ARHGEF3: variants seen among roughly 807,000 people sequenced by gnomAD.
ARHGEF3 encodes the protein Rho guanine nucleotide exchange factor 3.
In ARHGEF3, 28 loss-of-function variants were observed where a neutral mutation model predicts 63.2. That is an observed-to-expected ratio of 0.44 (90% confidence interval 0.33 to 0.61). ARHGEF3 has a LOEUF of 0.61. ARHGEF3 is among the 20% of genes least tolerant of loss of function. ARHGEF3 has a pLI of 0.03. For missense variants in ARHGEF3, 533 were observed against 659.3 expected (o/e 0.81, Z 2.10); for synonymous variants, 266 against 254.2 (o/e 1.05, Z -0.44).
At chr3:57,034,829 T>G (rs984573504) in intron 2 of ARHGEF3, among the ~76,000 whole-genome samples, 1 of 151,764 alleles carries the variant, frequency 6.6e-6, no homozygotes, top group Non-Finnish European at 1.5e-5. Flanking sequence ...GCTAATTTTT[T>G]TTTATTTTTA....
At chr3:56,776,875 C>T (rs566749726) in intron 1 of ARHGEF3, among the ~76,000 whole-genome samples, 28 of 152,122 alleles carry the variant, frequency 1.8e-4, no homozygotes, top group Non-Finnish European at 3.4e-4. Context: ...CACCACCCCC[C>T]ACCACGTGAT....
intron 6 of ARHGEF3, among the ~76,000 whole-genome samples, chr3:56,747,073 A>C (rs2034435592): frequency 8.5e-6 from 1 of 117,988 alleles, no homozygotes; most frequent in African/African-American, 2.9e-5. Flanking sequence ...ACAGAGAGAG[A>C]GAGAGAGAGA....
At chr3:56,974,020 A>G (rs1002362251) in intron 2 of ARHGEF3, among the ~76,000 whole-genome samples, 3 of 152,152 alleles carry the variant, frequency 2.0e-5, no homozygotes, top group African/African-American at 7.2e-5. Context: ...CAGGAGGTGG[A>G]GGTTGCAGTG....
chr3:57,073,731 GAA>G, intron 1 of ARHGEF3: 1 of 1,614,194 alleles, frequency 6.2e-7, no homozygotes, highest in Non-Finnish European at 8.5e-7. Context: ...GTCCACCTTA[GAA>G]AAGTCAGGAG....
chr3:56,743,345 G>A (rs920941132), intron 7 of ARHGEF3, among the ~76,000 whole-genome samples: 1 of 152,188 alleles, frequency 6.6e-6, no homozygotes, highest in Non-Finnish European at 1.5e-5. Flanking sequence ...AATTACAAAG[G>A]CAACAGAAAC....
At chr3:56,971,085 A>G (rs1051519423) in intron 2 of ARHGEF3, among the ~76,000 whole-genome samples, 2 of 152,186 alleles carry the variant, frequency 1.3e-5, no homozygotes, top group Non-Finnish European at 2.9e-5. Flanking sequence ...CGCTGCTGTC[A>G]CTGCACTCCT....
chr3:56,982,613 T>C (rs1701369176), intron 2 of ARHGEF3, among the ~76,000 whole-genome samples: 1 of 152,182 alleles, frequency 6.6e-6, no homozygotes, highest in Non-Finnish European at 1.5e-5. Flanking sequence ...GAGATTGTTG[T>C]CTACTTTGTT....
intron 8 of ARHGEF3, 29 bp downstream of exon 8, chr3:56,737,156 A>T (rs2033679160): frequency 1.3e-6 from 2 of 1,589,798 alleles, no homozygotes. Context: ...GGAGGCGGAT[A>T]AGACTGCTTA....
At chr3:57,003,181 G>A (rs992179524) in intron 2 of ARHGEF3, among the ~76,000 whole-genome samples, 6 of 150,862 alleles carry the variant, frequency 4.0e-5, no homozygotes, top group Admixed American at 6.6e-5. Flanking sequence ...AGAGGCGGGC[G>A]GATCACGAGG....
At chr3:57,001,253 G>C (rs1406647069) in intron 2 of ARHGEF3, among the ~76,000 whole-genome samples, 1 of 152,200 alleles carries the variant, frequency 6.6e-6, no homozygotes, top group Non-Finnish European at 1.5e-5. Flanking sequence ...CTGCAAATTT[G>C]TATTTGAAAT....
chr3:56,779,368 T>C (rs1227355262), intron 1 of ARHGEF3, among the ~76,000 whole-genome samples: 1 of 152,106 alleles, frequency 6.6e-6, no homozygotes, highest in East Asian at 1.9e-4. Context: ...TGGTCACAGG[T>C]TGGTAGTTGT....
intron 1 of ARHGEF3, among the ~76,000 whole-genome samples, chr3:57,069,717 T>C (rs1402535908): frequency 6.6e-6 from 1 of 152,182 alleles, no homozygotes; most frequent in Admixed American, 6.5e-5. Flanking sequence ...TGAGCACAGC[T>C]CATTGCAGCG....
chr3:56,792,547 T>C (rs1250819080), intron 1 of ARHGEF3, among the ~76,000 whole-genome samples: 1 of 152,208 alleles, frequency 6.6e-6, no homozygotes, highest in African/African-American at 2.4e-5. Context: ...CCCAGCTGTG[T>C]GATCTTGGGC....
intron 7 of ARHGEF3, among the ~76,000 whole-genome samples, chr3:56,741,441 C>T (rs2034018493): frequency 6.6e-6 from 1 of 151,100 alleles, no homozygotes; most frequent in Admixed American, 6.6e-5. Context: ...GCCTTGGCCT[C>T]CCAAAGTGCT....
intron 1 of ARHGEF3, among the ~76,000 whole-genome samples, chr3:57,048,478 A>G (rs1704548673): frequency 6.6e-6 from 1 of 152,166 alleles, no homozygotes; most frequent in African/African-American, 2.4e-5. Flanking sequence ...GTGCAGGGAG[A>G]TCGGGTGAAG....
chr3:57,065,372 AAT>A (rs1315415013), intron 1 of ARHGEF3, among the ~76,000 whole-genome samples: 1 of 152,068 alleles, frequency 6.6e-6, no homozygotes, highest in African/African-American at 2.4e-5. Context: ...GAGGCAGGAG[AAT>A]CACTTGAGCC....
intron 4 of ARHGEF3, among the ~76,000 whole-genome samples, chr3:56,829,581 C>A (rs115971965): frequency 1.8e-4 from 27 of 152,250 alleles, no homozygotes; most frequent in African/African-American, 5.1e-4. Context: ...TAATGCCTCC[C>A]GAAGAACATC....
rs1465551910 is a variant in ARHGEF3, at chr3:56,967,309, T to C, written c.63-8420A>G. The stretch of plus-strand genomic sequence containing the variant: ...TATATATTATACAAATTATATATTA[T>C]ATATTATATATTATATATTATATAT... On this transcript the variant is annotated intron_variant, in intron 2 of 12. Transcript: ENST00000338458. 3.4e-3 allele frequency among the ~76,000 whole-genome samples: 336 copies of C among 99,034 alleles called. 15 individuals carry two copies. The highest frequency in any genetic ancestry group is 4.9e-3 in the Middle Eastern group (1 of 204). 65.0% of individuals were successfully genotyped at this position (99,034 alleles called of 152,430 possible).
intron 4 of ARHGEF3, among the ~76,000 whole-genome samples, chr3:56,856,169 C>T (rs1332491855): frequency 1.3e-5 from 2 of 151,972 alleles, no homozygotes; most frequent in Non-Finnish European, 2.9e-5. Context: ...TGGGGGGTGT[C>T]GCCATCAGAA....
Sources: gnomAD v4.1 joint callset for allele counts (sites outside exome capture counted in the v4.1 genomes callset) on GRCh38, gnomAD v4.1.1 for gene constraint, MANE v1.5 for transcripts, NCBI Gene and HGNC (gene_info 2026-07-23, HGNC 2026-07-21) for gene names.